Variants in CSMD1 observed in about 807,000 individuals in gnomAD.
The protein encoded by CSMD1 is CUB and Sushi multiple domains 1.
Under a neutral mutation model 417.5 loss-of-function variants are expected in CSMD1, and 213 were observed. The ratio of observed to expected loss-of-function variants is 0.51; its 90% CI spans 0.46 to 0.57. The LOEUF is 0.57. CSMD1 is among the 20% of genes least tolerant of loss of function. The pLI is 0.00. For missense variants in CSMD1, 6,923 were observed against 4,529.7 expected (o/e 1.53, Z -15.17); for synonymous variants, 2,862 against 1,736.8 (o/e 1.65, Z -16.11).
intron 1 of CSMD1, among the ~76,000 whole-genome samples, chr8:4,758,686 C>T (rs1359437997): frequency 6.6e-6 from 1 of 152,130 alleles, no homozygotes; most frequent in Non-Finnish European, 1.5e-5. Flanking sequence ...GTGGACACAT[C>T]TTACATGGCA....
At chr8:3,917,124 G>A (rs1010108642) in intron 5 of CSMD1, among the ~76,000 whole-genome samples, 2 of 152,160 alleles carry the variant, frequency 1.3e-5, no homozygotes, top group Admixed American at 6.5e-5. Flanking sequence ...ATAAAAGATA[G>A]TCTAAGAGAA....
At chr8:4,957,172 T>C (rs753003416) in intron 1 of CSMD1, among the ~76,000 whole-genome samples, 1 of 152,214 alleles carries the variant, frequency 6.6e-6, no homozygotes, top group Admixed American at 6.5e-5. Flanking sequence ...TTGTGACAAC[T>C]GAAAAACACT....
chr8:3,932,418 T>C (rs1376287556), intron 5 of CSMD1, among the ~76,000 whole-genome samples: 2 of 150,390 alleles, frequency 1.3e-5, no homozygotes, highest in African/African-American at 4.9e-5. Context: ...CATTGACATT[T>C]CTCATGGTAT....
chr8:4,405,103 T>C (rs1267635861), intron 3 of CSMD1, among the ~76,000 whole-genome samples: 1 of 152,184 alleles, frequency 6.6e-6, no homozygotes, highest in Admixed American at 6.5e-5. Flanking sequence ...CAGAAGAGAT[T>C]TTCAGACTAT....
chr8:4,724,261 T>C (rs988874020), intron 1 of CSMD1, among the ~76,000 whole-genome samples: 2 of 152,228 alleles, frequency 1.3e-5, no homozygotes, highest in South Asian at 4.1e-4. Context: ...GGCTGGCTAA[T>C]GAATACTGAT....
chr8:3,639,649 G>A (rs1022411102), intron 7 of CSMD1, among the ~76,000 whole-genome samples: 13 of 152,118 alleles, frequency 8.5e-5, no homozygotes, highest in African/African-American at 3.1e-4. Context: ...TTTGAACACT[G>A]TATCAAAACA....
rs138880021 is a variant in CSMD1, at chr8:3,956,707, C to T, written c.818+41196G>A. Among the ~76,000 whole-genome samples, 57 of 152,172 alleles carry T rather than the reference C, an allele frequency of 3.7e-4. No individual in the cohort carries two copies. In the East Asian group the frequency reaches 9.7e-3, roughly 26 times the overall value. ...GATGTGGCAGAACCTATATTTGAAA[C>T]CCTACTCTAAGGAAGTTCAGTTGGG... On this transcript the variant is annotated intron_variant, in intron 5 of 69. Coordinates refer to ENST00000635120, the MANE Select transcript of CSMD1 (RefSeq NM_033225.6).
intron 10 of CSMD1, among the ~76,000 whole-genome samples, chr8:3,543,751 G>C (rs1225909432): frequency 6.6e-6 from 1 of 152,176 alleles, no homozygotes; most frequent in Non-Finnish European, 1.5e-5. Flanking sequence ...ATGTCTGTTG[G>C]ACACTTAGTG....
chr8:4,317,421 G>C lies in CSMD1; in HGVS notation c.415+102532C>G, dbSNP rs537904689. On this transcript the variant is annotated intron_variant, in intron 3 of 69. Coordinates refer to ENST00000635120, the MANE Select transcript of CSMD1 (RefSeq NM_033225.6). Reference sequence around the variant, plus strand: ...ACTCAAATGGTTACAAAACCAGTTAGTGTATCTCTGTTGTCATATAATGTA... The same window carrying C: ...ACTCAAATGGTTACAAAACCAGTTACTGTATCTCTGTTGTCATATAATGTA... Among the ~76,000 whole-genome samples the C allele has an allele frequency of 4.1e-4, 63 of 152,288 alleles. 1 individual carries two copies. In the South Asian group the frequency reaches 0.013, roughly 31 times the overall value.
At chr8:3,043,643 G>A (rs1269719230) in intron 50 of CSMD1, 1 of 151,966 alleles carries the variant, frequency 6.6e-6, no homozygotes, top group African/African-American at 2.4e-5. Flanking sequence ...CCCACATATT[G>A]TGATTAGAAC....
chr8:2,957,865 T>A, intron 62 of CSMD1, 58 bp from the exon 63 acceptor site: 2 of 1,162,048 alleles, frequency 1.7e-6, no homozygotes, highest in Non-Finnish European at 2.5e-6. Context: ...AAGTGTCAAC[T>A]AGTGATACCT....
intron 3 of CSMD1, among the ~76,000 whole-genome samples, chr8:4,345,783 A>T (rs1284534399): frequency 6.6e-6 from 1 of 152,136 alleles, no homozygotes; most frequent in Non-Finnish European, 1.5e-5. Context: ...TAAAATGCTA[A>T]TTCTTCCACA....
intron 5 of CSMD1, among the ~76,000 whole-genome samples, chr8:3,938,605 A>C (rs1412917986): frequency 6.6e-6 from 1 of 152,042 alleles, no homozygotes; most frequent in Non-Finnish European, 1.5e-5. Context: ...CATGCTGTAG[A>C]CCCCGAATAA....
intron 9 of CSMD1, among the ~76,000 whole-genome samples, chr8:3,580,733 G>T (rs917903381): frequency 6.6e-6 from 1 of 152,050 alleles, no homozygotes. Flanking sequence ...CTGAGACAGT[G>T]GTTACCTGAT....
rs577607043 is a variant in CSMD1 at position 3,427,781 on chromosome 8, G to T, written c.1562-18176C>A. On this transcript the variant is annotated intron_variant, in intron 12 of 69. Transcript: ENST00000635120. ...AACCTATCTTAATGAAATTCAGAGA[G>T]GAAACAAGAGACTACTTTAAAAACC... 3.3e-5 allele frequency among the ~76,000 whole-genome samples: 5 copies of T among 152,236 alleles called. No homozygotes were observed. In the East Asian group the frequency reaches 9.7e-4, roughly 29 times the overall value.
chr8:4,288,756 C>T (rs534471770), intron 3 of CSMD1, among the ~76,000 whole-genome samples: 1 of 152,250 alleles, frequency 6.6e-6, no homozygotes, highest in African/African-American at 2.4e-5. Flanking sequence ...GTCAACCTCC[C>T]AACTCTAAGA....
chr8:4,834,815 G>T (rs1002779488), intron 1 of CSMD1, among the ~76,000 whole-genome samples: 1 of 151,484 alleles, frequency 6.6e-6, no homozygotes, highest in African/African-American at 2.4e-5. Context: ...AAATTAGCCG[G>T]GCGTGGTGGT....
intron 6 of CSMD1, among the ~76,000 whole-genome samples, chr8:3,712,850 G>C (rs1332489192): frequency 6.6e-6 from 1 of 152,110 alleles, no homozygotes; most frequent in East Asian, 1.9e-4. Context: ...GGCCAGGGCT[G>C]GGGGACCTGG....
At chr8:3,007,953 C>T (rs892265516) in intron 52 of CSMD1, among the ~76,000 whole-genome samples, 1 of 151,842 alleles carries the variant, frequency 6.6e-6, no homozygotes, top group Non-Finnish European at 1.5e-5. Context: ...AAAAAGAAAG[C>T]TTTGTTACTG....
Sources: allele counts gnomAD v4.1 joint callset (sites outside exome capture counted in the v4.1 genomes callset), GRCh38; gene constraint gnomAD v4.1.1; transcripts MANE v1.5; gene names NCBI Gene and HGNC (gene_info 2026-07-23, HGNC 2026-07-21).